The following ZNF525 variants were observed in gnomAD, a reference collection of about 807,000 sequenced individuals.
The protein encoded by ZNF525 is zinc finger protein 525.
A neutral mutation model predicts 37.6 loss-of-function variants in ZNF525; 33 were observed. That is an observed-to-expected ratio of 0.88 (90% CI 0.67 to 1.17). The LOEUF (loss-of-function observed/expected upper bound fraction) is 1.17. ZNF525 is among the 50% of genes most tolerant of loss of function. The probability of loss-of-function intolerance (pLI) is 0.00; values close to 1 mark genes in which losing one functional copy is unlikely to be tolerated. For synonymous variants in ZNF525, 170 were observed against 182.3 expected, an observed-to-expected ratio of 0.93 and a Z score of 0.54; for missense variants, 449 against 543.1, an observed-to-expected ratio of 0.83 and a Z score of 1.72.
Position 53,380,795 on chromosome 19 carries a change from G to A in ZNF525, c.216G>A (p.Gly72=). The A allele has an allele frequency of 7.1e-7, 1 of 1,414,150 alleles. No individual in the cohort carries two copies. The highest frequency in any genetic ancestry group is 1.0e-6 in the Non-Finnish European group (1 of 998,018). The allele number at this position is 1,414,150 out of a possible 1,614,324, so 87.6% of individuals were successfully genotyped here. ...AQGNTEVIHT[G]TLQRHERHHI... Reference sequence around the variant, plus strand: ...GCAATACAGAAGTGATCCACACAGGGACATTGCAAAGACATGAACGTCATC... The same window carrying A: ...GCAATACAGAAGTGATCCACACAGGAACATTGCAAAGACATGAACGTCATC... Residue 72 remains glycine, a synonymous_variant, in exon 4 of 4, where the codon GGG becomes GGA. Coordinates refer to ENST00000474037, the MANE Select transcript of ZNF525 (RefSeq NM_001348156.2).
chr19:53,374,005 C>T (rs2085505230), intron 2 of ZNF525, among the ~76,000 whole-genome samples: 1 of 152,058 alleles, frequency 6.6e-6, no homozygotes, highest in South Asian at 2.1e-4. Flanking sequence ...GCCTCAGCCT[C>T]CTGGGTAGCT....
Position 53,382,526 on chromosome 19 carries a change from A to G in ZNF525, c.*507A>G. Reference sequence around the variant, plus strand: ...GCAAGACCTTCAGTAAGGAGTTAACACATGCCATCATAGACGTCATACTGG... The same window carrying G: ...GCAAGACCTTCAGTAAGGAGTTAACGCATGCCATCATAGACGTCATACTGG... On this transcript the variant is annotated 3_prime_UTR_variant, in exon 4 of 4. Transcript: ENST00000474037. 1.5e-6 allele frequency: 1 copy of G among 667,962 alleles called. No individual in the cohort carries two copies. Among genetic ancestry groups the G allele is most frequent in the East Asian group, 3.1e-5 (1 of 31,948 alleles). The allele number at this position is 667,962 out of a possible 1,614,324, so 41.4% of individuals were successfully genotyped here.
rs565969102 is a variant in ZNF525 at position 53,374,433 on chromosome 19, A to G, written c.16-1337A>G. On this transcript the variant is annotated intron_variant, in intron 2 of 3. Coordinates refer to ENST00000474037, the MANE Select transcript of ZNF525 (RefSeq NM_001348156.2). ...GATTTTTCCCTGTATAAAGAGTGCC[A>G]TAGTGGCTGCCTCTGCACGTGCCTG... is the stretch of plus-strand genomic sequence containing the variant. Among the ~76,000 whole-genome samples the G allele has an allele frequency of 1.9e-4, 29 of 152,342 alleles. No individual in the cohort carries two copies. The South Asian group carries it at 5.0e-3, about 26-fold the overall frequency.
chr19:53,376,951 A>T (rs1417881908), intron 3 of ZNF525, among the ~76,000 whole-genome samples: 1 of 152,210 alleles, frequency 6.6e-6, no homozygotes, highest in East Asian at 1.9e-4. Context: ...CCTGGGCAAC[A>T]CAGTGAGACT....
intron 3 of ZNF525, among the ~76,000 whole-genome samples, chr19:53,378,773 G>T (rs1250809480): frequency 6.6e-6 from 1 of 152,120 alleles, no homozygotes; most frequent in Admixed American, 6.5e-5. Context: ...CTATTCACGA[G>T]TAGTCAACAC....
At chr19:53,365,924 G>T (rs549219579) in intron 1 of ZNF525, among the ~76,000 whole-genome samples, 165 bp downstream of exon 1, 15 of 152,216 alleles carry the variant, frequency 9.9e-5, no homozygotes, top group African/African-American at 3.6e-4. Context: ...TTCCTTTTGG[G>T]TTTAAAGTCT....
In ZNF525 at chr19:53,381,768, A is replaced by G. The variant is rs764163234; in HGVS notation, c.1189A>G (p.Thr397Ala). 2.9e-6 allele frequency: 3 copies of G among 1,035,674 alleles called. No homozygotes were observed. In the South Asian group the frequency reaches 3.8e-5, roughly 13 times the overall value. 64.2% of individuals were successfully genotyped at this position (1,035,674 alleles called of 1,614,324 possible). A position where few individuals can be genotyped will look rare whatever the true frequency, so the allele number is the denominator to read the frequency against. ...DCGKTFSHMS[T>A]LTCHRRLHTG... ...TGGCAAGACCTTCAGTCATATGTCA[A>G]CCCTTACATGCCATCGTAGACTTCA... Residue 397 changes from threonine to alanine, a missense_variant, in exon 4 of 4, where the codon ACC becomes GCC. Thr to Ala is a moderately conservative substitution (Grantham distance 58). Transcript: ENST00000474037.
chr19:53,367,229 G>T (rs905427467), intron 1 of ZNF525, among the ~76,000 whole-genome samples: 35 of 152,138 alleles, frequency 2.3e-4, no homozygotes, highest in African/African-American at 5.1e-4. Context: ...AACTGTTCTT[G>T]AAGTGAGCTT....
At position 53,381,344 on chromosome 19, in the gene ZNF525, G is replaced by A; in HGVS notation, c.765G>A (p.Lys255=). ...TATGTGACAAGGTCTTTATTCGGAA[G>A]CGATACCTTGCACGCCATCGTAGAT... ...CDVCDKVFIR[K]RYLARHRRCH... is the part of the protein sequence containing the mutation. Residue 255 remains lysine, a synonymous_variant, in exon 4 of 4, where the codon AAG becomes AAA. Transcript: ENST00000474037. 6.3e-7 allele frequency: 1 copy of A among 1,585,928 alleles called. No individual in the cohort carries two copies. The highest frequency in any genetic ancestry group is 8.7e-7 in the Non-Finnish European group (1 of 1,154,334).
intron 1 of ZNF525, among the ~76,000 whole-genome samples, chr19:53,367,127 G>A (rs112358813): frequency 6.6e-6 from 1 of 151,448 alleles, no homozygotes; most frequent in Non-Finnish European, 1.5e-5. Flanking sequence ...AAATACACAC[G>A]TTTGTCCTTT....
At chr19:53,368,749 G>A (rs1054756047) in intron 1 of ZNF525, among the ~76,000 whole-genome samples, 4 of 152,094 alleles carry the variant, frequency 2.6e-5, no homozygotes, top group African/African-American at 9.7e-5. Flanking sequence ...ATAACATATA[G>A]GTAGGTTGCT....
At chr19:53,376,044 C>A in intron 3 of ZNF525, 148 bp downstream of exon 3, 1 of 1,523,864 alleles carries the variant, frequency 6.6e-7, no homozygotes, top group South Asian at 1.2e-5. Flanking sequence ...AATTCCTGGG[C>A]TCAAGTGATT....
rs976462922 is a variant in ZNF525, at chr19:53,376,362, G to C, written c.142+466G>C. ...AGTCAGTCTTTGCCTTCTGAGTGCA[G>C]AGTTAAATATTTGCATTTGAAATAT... is the stretch of plus-strand genomic sequence containing the variant. On this transcript the variant is annotated intron_variant, in intron 3 of 3. Transcript: ENST00000474037. 34 of 698,002 alleles carry C rather than the reference G, an allele frequency of 4.9e-5. No individual in the cohort carries two copies. In the African/African-American group the frequency reaches 5.6e-4, roughly 12 times the overall value. The allele number at this position is 698,002 out of a possible 1,614,324, so 43.2% of individuals were successfully genotyped here. A position where few individuals can be genotyped will look rare whatever the true frequency, so the allele number is the denominator to read the frequency against.
chr19:53,384,324 T>C lies in ZNF525; in HGVS notation c.*2305T>C, dbSNP rs2085590137. The stretch of plus-strand genomic sequence containing the variant: ...CAGACCTGAGCCACTTTTCCCAGCC[T>C]GTTTTTTGTTTCTTTAACAAAAACT... On this transcript the variant is annotated 3_prime_UTR_variant, in exon 4 of 4. Transcript: ENST00000474037. 1 of 172,936 alleles carries C rather than the reference T, an allele frequency of 5.8e-6. No homozygotes were observed. Among genetic ancestry groups the C allele is most frequent in the Non-Finnish European group, 1.2e-5 (1 of 80,190 alleles). 10.7% of individuals were successfully genotyped at this position (172,936 alleles called of 1,614,324 possible). A position where few individuals can be genotyped will look rare whatever the true frequency, so the allele number is the denominator to read the frequency against.
In ZNF525 at chr19:53,365,718, C is replaced by A; in HGVS notation, c.-109C>A. 1 of 181,994 alleles carries A rather than the reference C, an allele frequency of 5.5e-6. No homozygotes were observed. Among genetic ancestry groups the A allele is most frequent in the Non-Finnish European group, 1.2e-5 (1 of 84,248 alleles). 11.3% of individuals were successfully genotyped at this position (181,994 alleles called of 1,614,324 possible). The stretch of plus-strand genomic sequence containing the variant: ...CCTTCCCCGCTCAGACGCGCGCAAA[C>A]CCGGAAGCAGATCGCGTGGAGTGAA... On this transcript the variant is annotated 5_prime_UTR_variant, in exon 1 of 4. Coordinates refer to ENST00000474037, the MANE Select transcript of ZNF525 (RefSeq NM_001348156.2).
rs573335399 is a variant in ZNF525, at chr19:53,382,896, C to T, written c.*877C>T. On this transcript the variant is annotated 3_prime_UTR_variant, in exon 4 of 4. Coordinates refer to ENST00000474037, the MANE Select transcript of ZNF525 (RefSeq NM_001348156.2). ...AGGAGAATTCATACTAGAGAGAAACCTTACAAGTGTAATGAGTGTGGTAAG... is the reference window on the plus strand; with the variant it reads ...AGGAGAATTCATACTAGAGAGAAACTTTACAAGTGTAATGAGTGTGGTAAG... 9 of 1,433,300 alleles carry T rather than the reference C, an allele frequency of 6.3e-6. No homozygotes were observed. The highest frequency in any genetic ancestry group is 6.8e-6 in the Non-Finnish European group (7 of 1,024,160). 88.8% of individuals were successfully genotyped at this position (1,433,300 alleles called of 1,614,324 possible). A position where few individuals can be genotyped will look rare whatever the true frequency, so the allele number is the denominator to read the frequency against.
chr19:53,377,224 C>T (rs969554332), intron 3 of ZNF525, among the ~76,000 whole-genome samples: 11 of 152,212 alleles, frequency 7.2e-5, no homozygotes, highest in Admixed American at 5.9e-4. Context: ...GTCACCCATG[C>T]TAGAGTGCAA....
At chr19:53,377,552 A>G (rs1478311640) in intron 3 of ZNF525, among the ~76,000 whole-genome samples, 1 of 129,322 alleles carries the variant, frequency 7.7e-6, no homozygotes, top group Non-Finnish European at 1.7e-5. Context: ...GGCTTCTTTC[A>G]TTTCTTTTTT....
At chr19:53,365,921 T>C (rs369610605) in intron 1 of ZNF525, among the ~76,000 whole-genome samples, 162 bp downstream of exon 1, 1 of 152,130 alleles carries the variant, frequency 6.6e-6, no homozygotes, top group East Asian at 1.9e-4. Flanking sequence ...CACTTCCTTT[T>C]GGGTTTAAAG....
Sources: allele counts gnomAD v4.1 joint callset (sites outside exome capture counted in the v4.1 genomes callset), GRCh38; gene constraint gnomAD v4.1.1; transcripts MANE v1.5; gene names NCBI Gene and HGNC (gene_info 2026-07-23, HGNC 2026-07-21).